NOS1AP: variants seen among roughly 807,000 people sequenced by gnomAD.
The protein encoded by NOS1AP is carboxyl-terminal PDZ ligand of neuronal nitric oxide synthase protein.
Under a neutral mutation model 56.2 loss-of-function variants are expected in NOS1AP, and 21 were observed. That is an observed-to-expected ratio of 0.37 (90% CI 0.26 to 0.54). NOS1AP has a LOEUF of 0.54. Ranked by LOEUF, NOS1AP falls within the 20% of genes least tolerant of loss-of-function variation. The probability of loss-of-function intolerance (pLI) is 0.84; values close to 1 mark genes in which losing one functional copy is unlikely to be tolerated. For synonymous variants in NOS1AP, 270 were observed against 274.6 expected (o/e 0.98, Z 0.17); for missense variants, 522 against 657.8 (o/e 0.79, Z 2.26).
chr1:162,260,704 CT>C (rs932121932), intron 2 of NOS1AP, among the ~76,000 whole-genome samples: 3 of 152,094 alleles, frequency 2.0e-5, no homozygotes, highest in African/African-American at 7.2e-5. Context: ...TCACACCCAC[CT>C]TTTTTTGCTG....
intron 3 of NOS1AP, among the ~76,000 whole-genome samples, chr1:162,292,354 A>G (rs919691542): frequency 6.6e-6 from 1 of 152,240 alleles, no homozygotes; most frequent in Non-Finnish European, 1.5e-5. Flanking sequence ...AACTGATGTA[A>G]GTAGTTACAC....
chr1:162,253,415 C>T (rs1038304908), intron 2 of NOS1AP, among the ~76,000 whole-genome samples: 4 of 152,178 alleles, frequency 2.6e-5, no homozygotes, highest in Admixed American at 1.3e-4. Flanking sequence ...GTCTGTTTCT[C>T]ATGGGTGAAG....
At chr1:162,119,902 G>A (rs922623913) in intron 1 of NOS1AP, among the ~76,000 whole-genome samples, 2 of 152,116 alleles carry the variant, frequency 1.3e-5, no homozygotes, top group Non-Finnish European at 2.9e-5. Flanking sequence ...TAAAGGAAAC[G>A]GATGGCATGG....
intron 2 of NOS1AP, among the ~76,000 whole-genome samples, chr1:162,241,912 C>T (rs761168058): frequency 1.3e-5 from 2 of 152,184 alleles, no homozygotes; most frequent in African/African-American, 4.8e-5. Flanking sequence ...ATCCTTCCTC[C>T]TAAATCATCT....
At chr1:162,146,291 C>T (rs1464688699) in intron 1 of NOS1AP, among the ~76,000 whole-genome samples, 1 of 152,046 alleles carries the variant, frequency 6.6e-6, no homozygotes, top group Admixed American at 6.5e-5. Context: ...AATCTGCCTC[C>T]TCTGAGGTGG....
At chr1:162,294,503 A>G (rs1334072025) in intron 3 of NOS1AP, among the ~76,000 whole-genome samples, 1 of 152,088 alleles carries the variant, frequency 6.6e-6, no homozygotes, top group Admixed American at 6.5e-5. Context: ...TGTGGTGTAC[A>G]CTCTATGATC....
intron 1 of NOS1AP, among the ~76,000 whole-genome samples, chr1:162,096,601 C>T (rs1256145996): frequency 6.6e-6 from 1 of 151,990 alleles, no homozygotes; most frequent in East Asian, 1.9e-4. Context: ...ATTTTATTTT[C>T]CCCATATATT....
chr1:162,143,032 C>T (rs903207029), intron 1 of NOS1AP, among the ~76,000 whole-genome samples: 9 of 151,474 alleles, frequency 5.9e-5, no homozygotes, highest in African/African-American at 2.2e-4. Flanking sequence ...TTCCCAACTC[C>T]AGGAAGGCTT....
intron 1 of NOS1AP, among the ~76,000 whole-genome samples, chr1:162,085,280 G>C (rs1056330151): frequency 6.6e-6 from 1 of 152,024 alleles, no homozygotes; most frequent in African/African-American, 2.4e-5. Flanking sequence ...ATAATGTCTG[G>C]AGTTTTTAGT....
At chr1:162,258,952 G>C (rs1425509200) in intron 2 of NOS1AP, among the ~76,000 whole-genome samples, 3 of 152,122 alleles carry the variant, frequency 2.0e-5, no homozygotes, top group Admixed American at 6.5e-5. Flanking sequence ...ACCTCTGATG[G>C]CTAATTTTAT....
intron 1 of NOS1AP, among the ~76,000 whole-genome samples, chr1:162,139,947 C>T (rs541238069): frequency 2.0e-5 from 3 of 152,234 alleles, no homozygotes; most frequent in African/African-American, 7.2e-5. Context: ...CATGCCTCAG[C>T]CTCCTGAATA....
intron 3 of NOS1AP, among the ~76,000 whole-genome samples, chr1:162,294,885 T>A (rs992048901): frequency 6.6e-6 from 1 of 152,146 alleles, no homozygotes; most frequent in Non-Finnish European, 1.5e-5. Context: ...CACTCACAAT[T>A]TTTTCTCCAT....
intron 2 of NOS1AP, among the ~76,000 whole-genome samples, chr1:162,165,565 G>T (rs144388095): frequency 2.0e-5 from 3 of 152,182 alleles, no homozygotes; most frequent in African/African-American, 7.2e-5. Flanking sequence ...CGCAGAGGTG[G>T]TAAGTGGGGA....
chr1:162,095,871 A>G (rs1430784857), intron 1 of NOS1AP, among the ~76,000 whole-genome samples: 1 of 152,174 alleles, frequency 6.6e-6, no homozygotes, highest in Non-Finnish European at 1.5e-5. Context: ...ACGTGAATAA[A>G]CTGTAAAGCA....
intron 1 of NOS1AP, among the ~76,000 whole-genome samples, chr1:162,131,731 G>T (rs754611785): frequency 1.3e-5 from 2 of 151,972 alleles, no homozygotes. Context: ...GTTATAAGGC[G>T]GCATTTTTTT....
At chr1:162,325,587 C>T (rs1194679697) in intron 4 of NOS1AP, among the ~76,000 whole-genome samples, 3 of 152,062 alleles carry the variant, frequency 2.0e-5, no homozygotes, top group African/African-American at 4.8e-5. Context: ...CCCTTCTTCC[C>T]GAGACCAGGA....
chr1:162,322,920 T>A (rs1656466968), intron 4 of NOS1AP, among the ~76,000 whole-genome samples: 2 of 152,184 alleles, frequency 1.3e-5, no homozygotes, highest in Non-Finnish European at 2.9e-5. Flanking sequence ...ATCAGGCAGA[T>A]GGTGCAGCAG....
intron 1 of NOS1AP, among the ~76,000 whole-genome samples, chr1:162,081,337 C>A (rs1691881322): frequency 6.6e-6 from 1 of 152,116 alleles, no homozygotes. Context: ...CCTGTAAAGA[C>A]TTTTCTGGAC....
chr1:162,248,149 T>A (rs4657179), intron 2 of NOS1AP, among the ~76,000 whole-genome samples: 1 of 151,834 alleles, frequency 6.6e-6, no homozygotes, highest in Non-Finnish European at 1.5e-5. Context: ...AAAGACCTTT[T>A]TTGATATGGG....
Sources: gnomAD v4.1 joint callset for allele counts (sites outside exome capture counted in the v4.1 genomes callset) on GRCh38, gnomAD v4.1.1 for gene constraint, MANE v1.5 for transcripts, NCBI Gene and HGNC (gene_info 2026-07-23, HGNC 2026-07-21) for gene names.